Variants in MGAM observed in about 807,000 individuals in gnomAD.
MGAM encodes maltase-glucoamylase.
In MGAM, 253 loss-of-function variants were observed where a neutral mutation model predicts 358.8. The ratio of observed to expected loss-of-function variants is 0.71; its 90% confidence interval spans 0.64 to 0.78. The LOEUF is 0.78. Ranked by LOEUF, MGAM falls within the 30% of genes least tolerant of loss-of-function variation. The pLI is 0.00. For missense variants in MGAM, 3,080 were observed against 3,432.6 expected (o/e 0.90, Z 2.57); for synonymous variants, 1,105 against 1,227.1 (o/e 0.90, Z 2.08).
intron 20 of MGAM, 27 bp downstream of exon 20, chr7:142,040,198 T>C (rs1265456120): frequency 1.3e-6 from 2 of 1,566,464 alleles, no homozygotes; most frequent in South Asian, 1.1e-5. Flanking sequence ...TTTCTTCTAC[T>C]CCTTAAGACT....
chr7:142,029,658 G>A (rs933062451), intron 10 of MGAM, among the ~76,000 whole-genome samples: 5 of 152,194 alleles, frequency 3.3e-5, no homozygotes, highest in Non-Finnish European at 7.3e-5. Context: ...TGAATGAAAG[G>A]ATATAGTATG....
chr7:142,069,306 T>C lies in MGAM; in HGVS notation c.5061+603T>C, dbSNP rs1813130394. ...AAGCAATGAAGAGCTCCTTGCCGCA[T>C]AGTTTCATTGCTAGTATGATTCCCA... On this transcript the variant is annotated intron_variant, in intron 43 of 70. Coordinates refer to ENST00000475668, the MANE Select transcript of MGAM (RefSeq NM_001365693.1). Among the ~76,000 whole-genome samples, 2 of 145,742 alleles carry C rather than the reference T, an allele frequency of 1.4e-5. 1 individual carries two copies. The highest frequency in any genetic ancestry group is 4.9e-5 in the African/African-American group (2 of 41,036).
At chr7:142,085,255 C>A (rs1352013545) in intron 54 of MGAM, among the ~76,000 whole-genome samples, 1 of 146,696 alleles carries the variant, frequency 6.8e-6, no homozygotes, top group African/African-American at 2.4e-5. Context: ...TTCTACATTT[C>A]TCTTGTTTTA....
rs1427571526 is a variant in MGAM, at chr7:142,087,086, A to T, written c.6810+369A>T. Among the ~76,000 whole-genome samples, 2 of 52,382 alleles carry T rather than the reference A, an allele frequency of 3.8e-5. 1 individual carries two copies. The highest frequency in any genetic ancestry group is 8.1e-5 in the Non-Finnish European group (2 of 24,548). The allele number at this position is 52,382 out of a possible 152,430, so 34.4% of individuals were successfully genotyped here. ...TCTTTTCTCTGAACTGGTATACTTA[A>T]CTGTTGTTGCCTTGGTTATCCCTTT... is the stretch of plus-strand genomic sequence containing the variant. On this transcript the variant is annotated intron_variant, in intron 57 of 70. Coordinates refer to ENST00000475668, the MANE Select transcript of MGAM (RefSeq NM_001365693.1).
At chr7:141,995,015 G>A (rs1291634285), upstream of MGAM, among the ~76,000 whole-genome samples, 1 of 152,154 alleles carries the variant, frequency 6.6e-6, no homozygotes, top group African/African-American at 2.4e-5. Flanking sequence ...GTGTGACTGG[G>A]GCAGTAAGCA....
chr7:141,996,474 T>A (rs1042575546), intron 1 of MGAM, among the ~76,000 whole-genome samples: 1 of 152,196 alleles, frequency 6.6e-6, no homozygotes, highest in Non-Finnish European at 1.5e-5. Context: ...CTGATTGTAG[T>A]GAAACCTGTG....
At chr7:142,047,178 C>T (rs1202012914) in intron 21 of MGAM, among the ~76,000 whole-genome samples, 2 of 152,106 alleles carry the variant, frequency 1.3e-5, no homozygotes, top group African/African-American at 4.8e-5. Flanking sequence ...TCTTCTCCCC[C>T]TCTTCCTCTC....
chr7:142,061,793 A>T (rs1453877392), intron 34 of MGAM, among the ~76,000 whole-genome samples: 1 of 152,214 alleles, frequency 6.6e-6, no homozygotes, highest in African/African-American at 2.4e-5. Flanking sequence ...AAGTGGTGTG[A>T]ACCCACTGTT....
intron 24 of MGAM, 131 bp downstream of exon 24, chr7:142,050,995 G>A (rs1810900241): frequency 1.7e-6 from 2 of 1,210,766 alleles, no homozygotes; most frequent in African/African-American, 1.5e-5. Context: ...GAAGTGAGAG[G>A]GCTGGGGAAA....
chr7:142,027,524 T>C (rs1191607523), intron 9 of MGAM, 86 bp from the exon 10 acceptor site: 6 of 1,396,878 alleles, frequency 4.3e-6, no homozygotes, highest in East Asian at 4.6e-5. Flanking sequence ...AAATGGACTA[T>C]GTTTGGTGCT....
At chr7:142,009,856 C>G (rs1805469583) in intron 3 of MGAM, among the ~76,000 whole-genome samples, 1 of 152,022 alleles carries the variant, frequency 6.6e-6, no homozygotes, top group African/African-American at 2.4e-5. Flanking sequence ...TTGTTGAGAG[C>G]TGAGGCTATG....
At chr7:142,105,776 C>T (rs1332864462) in intron 70 of MGAM, 38 bp from the exon 71 acceptor site, 2 of 1,523,316 alleles carry the variant, frequency 1.3e-6, no homozygotes, top group South Asian at 1.1e-5. Flanking sequence ...GAAATTTCAA[C>T]ACCGGATGCC....
At chr7:141,991,105 C>T (rs1803926160), upstream of MGAM, among the ~76,000 whole-genome samples, 1 of 152,290 alleles carries the variant, frequency 6.6e-6, no homozygotes, top group Non-Finnish European at 1.5e-5. Context: ...CGCCTTTGTG[C>T]CTCAGGTTTC....
At chr7:142,069,718 A>G (rs1813171383) in intron 43 of MGAM, among the ~76,000 whole-genome samples, 1 of 145,476 alleles carries the variant, frequency 6.9e-6, no homozygotes, top group African/African-American at 2.4e-5. Context: ...GGGTGGTAAC[A>G]TGTTAAGGCT....
chr7:142,048,669 C>T (rs1304835287), intron 22 of MGAM, among the ~76,000 whole-genome samples: 2 of 151,912 alleles, frequency 1.3e-5, no homozygotes, highest in African/African-American at 4.8e-5. Flanking sequence ...GAAATAGATT[C>T]CCTTGAGGCA....
At position 142,040,107 on chromosome 7, in the gene MGAM, A is replaced by G; in HGVS notation, c.2317-8A>G. On this transcript the variant is annotated splice_polypyrimidine_tract_variant and splice_region_variant and intron_variant, in intron 19 of 70. Transcript: ENST00000475668. ...CCCTCAGGGGACACTACATTTTTTTAATTTCAGGGTGCAGAGAAAGTGATG... is the reference window on the plus strand; with the variant it reads ...CCCTCAGGGGACACTACATTTTTTTGATTTCAGGGTGCAGAGAAAGTGATG... 1.2e-6 allele frequency: 2 copies of G among 1,606,484 alleles called. No individual in the cohort carries two copies. Among genetic ancestry groups the G allele is most frequent in the Non-Finnish European group, 1.7e-6 (2 of 1,174,404 alleles).
At chr7:142,095,121 C>T (rs554111105) in intron 63 of MGAM, among the ~76,000 whole-genome samples, 9 of 152,144 alleles carry the variant, frequency 5.9e-5, no homozygotes, top group African/African-American at 7.2e-5. Context: ...CACATACCAA[C>T]GTGCCCAGCT....
At chr7:142,041,336 A>G (rs146742049) in intron 21 of MGAM, among the ~76,000 whole-genome samples, 1 of 152,236 alleles carries the variant, frequency 6.6e-6, no homozygotes, top group African/African-American at 2.4e-5. Context: ...TTAATAGACC[A>G]GGAGCTCTTT....
chr7:142,102,491 A>C (rs1049651615), intron 68 of MGAM, 139 bp from the exon 69 acceptor site: 2 of 812,002 alleles, frequency 2.5e-6, no homozygotes, highest in Non-Finnish European at 3.8e-6. Flanking sequence ...GAACACTCAA[A>C]AGACAGAAAT....
Sources: gnomAD v4.1 joint callset for allele counts (sites outside exome capture counted in the v4.1 genomes callset) on GRCh38, gnomAD v4.1.1 for gene constraint, MANE v1.5 for transcripts, NCBI Gene and HGNC (gene_info 2026-07-23, HGNC 2026-07-21) for gene names.